The following ITGBL1 variants were observed in gnomAD, a reference collection of about 807,000 sequenced individuals.
The protein encoded by ITGBL1 is integrin subunit beta like 1, also known as integrin beta-like protein 1.
A neutral mutation model predicts 68.5 loss-of-function variants in ITGBL1; 51 were observed. The ratio of observed to expected loss-of-function variants is 0.74; its 90% CI spans 0.59 to 0.94. The LOEUF (loss-of-function observed/expected upper bound fraction) is 0.94, where lower values mean the gene tolerates loss of function less well. Among genes scored for constraint, ITGBL1 ranks in the 40% least tolerant of loss-of-function variants. The pLI is 0.00. For missense variants in ITGBL1, 649 were observed against 647.4 expected (o/e 1.00, Z -0.03); for synonymous variants, 209 against 227.3 (o/e 0.92, Z 0.72).
intron 2 of ITGBL1, among the ~76,000 whole-genome samples, chr13:101,514,567 GA>G (rs1466350729): frequency 6.6e-6 from 1 of 151,878 alleles, no homozygotes; most frequent in Non-Finnish European, 1.5e-5. Flanking sequence ...CTCTACAAAT[GA>G]TGAGAAATAT....
intron 7 of ITGBL1, among the ~76,000 whole-genome samples, chr13:101,601,537 A>G (rs1036307130): frequency 6.6e-6 from 1 of 152,038 alleles, no homozygotes; most frequent in African/African-American, 2.4e-5. Context: ...TAGGTTGTCA[A>G]TTTTAGATCT....
intron 7 of ITGBL1, among the ~76,000 whole-genome samples, chr13:101,647,207 A>G (rs2032586956): frequency 1.3e-5 from 2 of 152,286 alleles, no homozygotes; most frequent in African/African-American, 4.8e-5. Context: ...AAATTTTTAG[A>G]CTTCTGTTTA....
chr13:101,709,371 C>CAACA (rs770658418), intron 9 of ITGBL1, among the ~76,000 whole-genome samples: 10 of 61,196 alleles, frequency 1.6e-4, no homozygotes, highest in African/African-American at 9.8e-4. Flanking sequence ...GACTCCGTCT[C>CAACA]AAAAAAAAAA....
intron 2 of ITGBL1, among the ~76,000 whole-genome samples, chr13:101,482,184 T>C (rs908948108): frequency 3.2e-4 from 49 of 152,194 alleles, no homozygotes; most frequent in African/African-American, 1.2e-3. Context: ...TTTCTAGTTA[T>C]TTAAATTTTT....
At chr13:101,631,924 G>A (rs1457984060) in intron 7 of ITGBL1, among the ~76,000 whole-genome samples, 1 of 152,000 alleles carries the variant, frequency 6.6e-6, no homozygotes, top group South Asian at 2.1e-4. Context: ...ATATACAACC[G>A]AATGTAAAAG....
chr13:101,471,520 GTGTGTGTATGTA>G (rs765232252), intron 2 of ITGBL1, among the ~76,000 whole-genome samples: 42 of 80,650 alleles, frequency 5.2e-4, no homozygotes, highest in African/African-American at 1.8e-3. Flanking sequence ...ATGTGTGTGT[GTGTGTGTATGTA>G]TGTGTGTGTG....
rs2034719356 is a variant in ITGBL1, at chr13:101,716,299, G to T, written c.*645G>T. 6.6e-6 allele frequency: 1 copy of T among 152,072 alleles called. No individual in the cohort carries two copies. Among genetic ancestry groups the T allele is most frequent in the Non-Finnish European group, 1.5e-5 (1 of 68,014 alleles). The allele number at this position is 152,072 out of a possible 1,614,324, so 9.4% of individuals were successfully genotyped here. On this transcript the variant is annotated 3_prime_UTR_variant, in exon 11 of 11. Transcript: ENST00000376180. ...GGGGCTGGATCAAGGGCAAAAACTG[G>T]TCATTAAGTCATCTGACATTAAATC...
intron 2 of ITGBL1, among the ~76,000 whole-genome samples, chr13:101,536,616 T>G (rs2049581794): frequency 1.3e-5 from 2 of 151,982 alleles, no homozygotes. Flanking sequence ...TCATAAGTTG[T>G]GGTCAATAAT....
At position 101,691,918 on chromosome 13, in the gene ITGBL1, C is replaced by T. The variant is rs559849348; in HGVS notation, c.1016-667C>T. On this transcript the variant is annotated intron_variant, in intron 7 of 10. Coordinates refer to ENST00000376180, the MANE Select transcript of ITGBL1 (RefSeq NM_004791.3). ...AATGATAGTGTTTGACACATAGTTACCACTCAATAAATCATGATGAAAGTC... is the reference window on the plus strand; with the variant it reads ...AATGATAGTGTTTGACACATAGTTATCACTCAATAAATCATGATGAAAGTC... 7.2e-4 allele frequency among the ~76,000 whole-genome samples: 110 copies of T among 152,190 alleles called. 1 individual carries two copies. Among genetic ancestry groups the T allele is most frequent in the African/African-American group, 2.5e-3 (105 of 41,538 alleles).
intron 7 of ITGBL1, among the ~76,000 whole-genome samples, chr13:101,609,853 A>G (rs932633354): frequency 1.3e-5 from 2 of 152,142 alleles, no homozygotes; most frequent in African/African-American, 2.4e-5. Flanking sequence ...TAAATAAACA[A>G]TCTTTATCTA....
chr13:101,582,399 G>T (rs1218879807), intron 5 of ITGBL1, among the ~76,000 whole-genome samples: 3 of 152,106 alleles, frequency 2.0e-5, no homozygotes, highest in Non-Finnish European at 4.4e-5. Context: ...TTATTTTGAT[G>T]TAAGAGGTAA....
chr13:101,679,246 A>G (rs1278909142), intron 7 of ITGBL1, among the ~76,000 whole-genome samples: 1 of 152,208 alleles, frequency 6.6e-6, no homozygotes, highest in African/African-American at 2.4e-5. Context: ...GATTATATCA[A>G]CGACAACACT....
At chr13:101,545,050 C>A (rs191785457) in intron 2 of ITGBL1, among the ~76,000 whole-genome samples, 1 of 152,288 alleles carries the variant, frequency 6.6e-6, no homozygotes, top group East Asian at 1.9e-4. Context: ...GTGCGCTGCA[C>A]CCACTGTCCT....
chr13:101,597,524 C>G (rs1476835755), intron 6 of ITGBL1, among the ~76,000 whole-genome samples: 3 of 150,760 alleles, frequency 2.0e-5, no homozygotes, highest in Non-Finnish European at 4.4e-5. Flanking sequence ...ATACTCCTTT[C>G]CGTTTTTTCT....
chr13:101,617,693 T>C (rs2031421701), intron 7 of ITGBL1, among the ~76,000 whole-genome samples: 1 of 152,194 alleles, frequency 6.6e-6, no homozygotes, highest in Non-Finnish European at 1.5e-5. Context: ...TACATGACTC[T>C]AACCTAATAT....
At chr13:101,544,144 T>C (rs2049770007) in intron 2 of ITGBL1, among the ~76,000 whole-genome samples, 1 of 152,196 alleles carries the variant, frequency 6.6e-6, no homozygotes, top group African/African-American at 2.4e-5. Flanking sequence ...TTTTAGAGTT[T>C]CCAGTTTTTC....
rs367698857 is a variant in ITGBL1, at chr13:101,510,282, TA to T, written c.316+56184del. Reference sequence around the variant, plus strand: ...GGTATTTGGCTTACTCTTCCTGTATTAATTCACTTAGGATTATGGCCTCCAG... The same window carrying T: ...GGTATTTGGCTTACTCTTCCTGTATTATTCACTTAGGATTATGGCCTCCAG... On this transcript the variant is annotated intron_variant, in intron 2 of 10. Transcript: ENST00000376180. 1.6e-4 allele frequency among the ~76,000 whole-genome samples: 25 copies of T among 152,288 alleles called. No individual in the cohort carries two copies. In the East Asian group the frequency reaches 4.3e-3, roughly 26 times the overall value.
chr13:101,474,592 G>C (rs2048509156), intron 2 of ITGBL1, among the ~76,000 whole-genome samples: 1 of 152,166 alleles, frequency 6.6e-6, no homozygotes, highest in Non-Finnish European at 1.5e-5. Flanking sequence ...TAGCCAGGCA[G>C]TGTGGTTGCT....
chr13:101,650,919 G>A (rs1048130212), intron 7 of ITGBL1, among the ~76,000 whole-genome samples: 2 of 152,144 alleles, frequency 1.3e-5, no homozygotes, highest in African/African-American at 2.4e-5. Flanking sequence ...TTCTGTTCCT[G>A]TGGTAGTTTG....
Sources: gnomAD v4.1 joint callset for allele counts (sites outside exome capture counted in the v4.1 genomes callset) on GRCh38, gnomAD v4.1.1 for gene constraint, MANE v1.5 for transcripts, NCBI Gene and HGNC (gene_info 2026-07-23, HGNC 2026-07-21) for gene names.